The following CLOCK variants were observed in gnomAD, a reference collection of about 807,000 sequenced individuals.
CLOCK encodes the protein clock circadian regulator.
A neutral mutation model predicts 118.4 loss-of-function variants in CLOCK; 43 were observed. That is an observed-to-expected ratio of 0.36 (90% CI 0.28 to 0.47). CLOCK has a LOEUF of 0.47. Among genes scored for constraint, CLOCK ranks in the 20% least tolerant of loss-of-function variants. The pLI is 1.00. For missense variants in CLOCK, 846 were observed against 999.9 expected (o/e 0.85, Z 2.08); for synonymous variants, 326 against 339.2 (o/e 0.96, Z 0.43).
rs572278716 is a variant in CLOCK at position 55,433,377 on chromosome 4, C to T, written c.*2038G>A. On this transcript the variant is annotated 3_prime_UTR_variant, in exon 23 of 23. Coordinates refer to ENST00000513440, the MANE Select transcript of CLOCK (RefSeq NM_004898.4). ...TTTCTTTGGTTGTTTTCTTTTTCAA[C>T]ATTAATGTTCAAAGTAATTGTAGCC... is the stretch of plus-strand genomic sequence containing the variant. 1.4e-3 allele frequency: 209 copies of T among 152,686 alleles called. No homozygotes were observed. The highest frequency in any genetic ancestry group is 4.9e-3 in the African/African-American group (204 of 41,556). The allele number at this position is 152,686 out of a possible 1,614,324, so 9.5% of individuals were successfully genotyped here.
At position 55,430,705 on chromosome 4, in the gene CLOCK, T is replaced by C. The variant is rs1722439827; in HGVS notation, c.*4710A>G. On this transcript the variant is annotated 3_prime_UTR_variant, in exon 23 of 23. Transcript: ENST00000513440. Reference sequence around the variant, plus strand: ...GCACATTTAAAACACTCAGAATAATTCTTGAAATTATTATATTCTAAAATG... The same window carrying C: ...GCACATTTAAAACACTCAGAATAATCCTTGAAATTATTATATTCTAAAATG... 1 of 152,140 alleles carries C rather than the reference T, an allele frequency of 6.6e-6. No individual in the cohort carries two copies. Among genetic ancestry groups the C allele is most frequent in the African/African-American group, 2.4e-5 (1 of 41,432 alleles). 9.4% of individuals were successfully genotyped at this position (152,140 alleles called of 1,614,324 possible).
At chr4:55,476,079 G>T (rs1448316594) in intron 6 of CLOCK, 25 bp from the exon 7 acceptor site, 9 of 1,500,226 alleles carry the variant, frequency 6.0e-6, no homozygotes, top group South Asian at 3.4e-5. Context: ...ACATATTAGT[G>T]GCATACTCCA....
At chr4:55,506,843 G>A (rs1000375186) in intron 2 of CLOCK, among the ~76,000 whole-genome samples, 2 of 152,188 alleles carry the variant, frequency 1.3e-5, no homozygotes, top group Non-Finnish European at 2.9e-5. Context: ...TTACAGGCGT[G>A]AGCCACCACG....
chr4:55,443,982 A>C, intron 19 of CLOCK, 86 bp from the exon 20 acceptor site: 1 of 1,224,318 alleles, frequency 8.2e-7, no homozygotes, highest in South Asian at 1.3e-5. Flanking sequence ...TCAAGCTACA[A>C]AGTATGTTTA....
At chr4:55,470,909 T>C (rs763679808) in intron 7 of CLOCK, 103 bp from the exon 8 acceptor site, 2 of 785,924 alleles carry the variant, frequency 2.5e-6, no homozygotes, top group Non-Finnish European at 2.2e-6. Context: ...TATGGAAATA[T>C]CCAAAGTTCT....
chr4:55,453,452 T>C, intron 14 of CLOCK: 1 of 491,216 alleles, frequency 2.0e-6, no homozygotes, highest in Middle Eastern at 5.3e-4. Context: ...CAGTAACAAC[T>C]TCTGCTGTAA....
chr4:55,482,013 TAAGA>T (rs772038232), intron 4 of CLOCK, among the ~76,000 whole-genome samples: 2 of 152,094 alleles, frequency 1.3e-5, no homozygotes, highest in Admixed American at 6.6e-5. Flanking sequence ...TATGTGCCCT[TAAGA>T]AAGAAAAAAA....
intron 18 of CLOCK, 106 bp from the exon 19 acceptor site, chr4:55,444,891 A>ACATAT (rs1009802709): frequency 5.5e-6 from 6 of 1,082,566 alleles, no homozygotes; most frequent in Non-Finnish European, 8.2e-6. Context: ...AAGGATGATA[A>ACATAT]CATCCTTCAC....
intron 9 of CLOCK, among the ~76,000 whole-genome samples, chr4:55,463,355 C>A (rs1400349139): frequency 6.6e-6 from 1 of 151,546 alleles, no homozygotes; most frequent in African/African-American, 2.4e-5. Flanking sequence ...TTTAATTTTC[C>A]CTTATTAAAT....
At chr4:55,545,172 G>A (rs1380303608) in intron 1 of CLOCK, among the ~76,000 whole-genome samples, 1 of 151,352 alleles carries the variant, frequency 6.6e-6, no homozygotes, top group Admixed American at 6.6e-5. Context: ...CCATTAACTC[G>A]TCGTTTACAT....
chr4:55,479,996 G>A (rs12642716), intron 4 of CLOCK, among the ~76,000 whole-genome samples: 51,420 of 151,792 alleles, frequency 0.34, 9,397 homozygotes, highest in East Asian at 0.58. Context: ...TTTTAGTAAC[G>A]GTAAAAACGT....
chr4:55,496,271 G>GA (rs1189841402), intron 2 of CLOCK, among the ~76,000 whole-genome samples: 11 of 133,106 alleles, frequency 8.3e-5, no homozygotes, highest in East Asian at 6.1e-4. Context: ...TCTTTAAAAA[G>GA]AAAAAAAAAA....
At chr4:55,517,773 GC>G (rs1729607689) in intron 1 of CLOCK, among the ~76,000 whole-genome samples, 1 of 152,074 alleles carries the variant, frequency 6.6e-6, no homozygotes, top group Non-Finnish European at 1.5e-5. Flanking sequence ...AAATCAATTT[GC>G]TTAATGGTTA....
chr4:55,453,336 G>T (rs1390399619), intron 14 of CLOCK: 2 of 531,948 alleles, frequency 3.8e-6, no homozygotes, highest in East Asian at 3.0e-5. Flanking sequence ...TGCTGTAAAC[G>T]ATCCATAACC....
intron 22 of CLOCK, among the ~76,000 whole-genome samples, chr4:55,436,842 A>AGGGGTAT (rs1553889183): frequency 3.5e-5 from 5 of 144,226 alleles, no homozygotes; most frequent in Admixed American, 2.1e-4. Context: ...TGTATTTATG[A>AGGGGTAT]GGGGTATTGC....
intron 13 of CLOCK, among the ~76,000 whole-genome samples, chr4:55,455,236 T>C (rs1724834980): frequency 1.3e-5 from 2 of 152,062 alleles, no homozygotes; most frequent in Non-Finnish European, 2.9e-5. Context: ...ACTTCTAAAA[T>C]AAATACATGT....
chr4:55,509,736 T>C (rs1729022867), intron 2 of CLOCK, among the ~76,000 whole-genome samples, 176 bp downstream of exon 2: 1 of 152,220 alleles, frequency 6.6e-6, no homozygotes, highest in Non-Finnish European at 1.5e-5. Context: ...TTTTTCCCAA[T>C]AAATAACCTT....
chr4:55,466,469 A>T (rs1725747733), intron 8 of CLOCK, among the ~76,000 whole-genome samples: 1 of 152,202 alleles, frequency 6.6e-6, no homozygotes, highest in African/African-American at 2.4e-5. Flanking sequence ...CACCAACTTG[A>T]AATATTAATA....
At chr4:55,480,238 T>G (rs764790932) in intron 4 of CLOCK, among the ~76,000 whole-genome samples, 1 of 152,146 alleles carries the variant, frequency 6.6e-6, no homozygotes, top group Admixed American at 6.5e-5. Flanking sequence ...AATAAGACAT[T>G]TAGCTGCTTT....
Sources: gnomAD v4.1 joint callset for allele counts (sites outside exome capture counted in the v4.1 genomes callset) on GRCh38, gnomAD v4.1.1 for gene constraint, MANE v1.5 for transcripts, NCBI Gene and HGNC (gene_info 2026-07-23, HGNC 2026-07-21) for gene names.